TENM1: variants seen among roughly 807,000 people sequenced by gnomAD.
The protein encoded by TENM1 is teneurin-1.
TENM1 carries 35 observed loss-of-function variants against 174.8 expected under a neutral mutation model. That is an observed-to-expected ratio of 0.20 (90% CI 0.15 to 0.27). The LOEUF is 0.27. TENM1 is among the 10% of genes least tolerant of loss of function. The pLI is 1.00. For synonymous variants in TENM1, 781 were observed against 798.7 expected, an observed-to-expected ratio of 0.98 and a Z score of 0.37; for missense variants, 1,633 against 2,130.1, an observed-to-expected ratio of 0.77 and a Z score of 4.59.
intron 20 of TENM1, among the ~76,000 whole-genome samples, chrX:124,491,509 G>A (rs1433504297): frequency 9.0e-6 from 1 of 111,576 alleles, no homozygotes; most frequent in Non-Finnish European, 1.9e-5. Context: ...GATCTTATAA[G>A]CTTTCCTTCT....
chrX:124,649,653 C>T (rs908156618), intron 8 of TENM1, among the ~76,000 whole-genome samples: 1 of 112,020 alleles, frequency 8.9e-6, no homozygotes, highest in African/African-American at 3.2e-5. Flanking sequence ...GCTGCCTATA[C>T]TACTGGAAAA....
intron 15 of TENM1, among the ~76,000 whole-genome samples, chrX:124,533,747 C>T (rs1053080562): frequency 6.2e-5 from 7 of 112,041 alleles, no homozygotes; most frequent in Admixed American, 2.8e-4. Flanking sequence ...GACTGTCATG[C>T]GGCTGGCCCT....
In TENM1 at chrX:124,644,594, T is replaced by C. The variant is rs541533087; in HGVS notation, c.1876+549A>G. On this transcript the variant is annotated intron_variant, in intron 10 of 31. Transcript: ENST00000422452. ...AAAGACTCCTTTGGGGTGAATTTAA[T>C]ATAAAGGCATGGCTTTGAAACTCAT... 3.0e-4 allele frequency among the ~76,000 whole-genome samples: 33 copies of C among 110,776 alleles called. No homozygotes were observed. The South Asian group carries it at 0.012, about 41-fold the overall frequency.
intron 1 of TENM1, among the ~76,000 whole-genome samples, chrX:124,952,017 C>A (rs746761355): frequency 1.3e-4 from 14 of 110,429 alleles, no homozygotes; most frequent in African/African-American, 4.3e-4. Context: ...GGTTAGAATG[C>A]TTCAGAAATC....
At chrX:124,650,016 A>G (rs2051255875) in intron 8 of TENM1, among the ~76,000 whole-genome samples, 1 of 109,268 alleles carries the variant, frequency 9.2e-6, no homozygotes, top group Non-Finnish European at 1.9e-5. Context: ...AGCCTGGCCA[A>G]CATGGTGAAA....
chrX:124,551,783 A>G (rs2048579690), intron 14 of TENM1, among the ~76,000 whole-genome samples: 1 of 112,243 alleles, frequency 8.9e-6, no homozygotes, highest in Non-Finnish European at 1.9e-5. Flanking sequence ...CCAGCACTTG[A>G]TAAATGTTAG....
At chrX:124,743,225 AG>A (rs1425628710) in intron 3 of TENM1, among the ~76,000 whole-genome samples, 1 of 111,791 alleles carries the variant, frequency 8.9e-6, no homozygotes, top group Non-Finnish European at 1.9e-5. Flanking sequence ...TAAAAAGGTA[AG>A]AAAACTGGTT....
chrX:125,055,069 GA>G, the TENM1 span, among the ~76,000 whole-genome samples: 4 of 111,191 alleles, frequency 3.6e-5, no homozygotes, highest in East Asian at 2.8e-4. Context: ...TTTCCAAAAA[GA>G]AAAAAACTCA....
intron 18 of TENM1, among the ~76,000 whole-genome samples, chrX:124,518,747 C>T (rs139559375): frequency 0.1 from 11,188 of 111,023 alleles, 445 homozygotes; most frequent in Middle Eastern, 0.13. Flanking sequence ...ATTTATCCAG[C>T]GTCACACAGC....
At chrX:124,405,050 G>A in exon 27 of TENM1, 1 of 1,210,841 alleles carries the variant, frequency 8.3e-7, no homozygotes, top group Non-Finnish European at 1.1e-6. Context: ...CCTTTCAAAA[G>A]CCGAAACATT....
At chrX:124,447,329 C>G (rs2060975347) in intron 23 of TENM1, among the ~76,000 whole-genome samples, 3 of 111,537 alleles carry the variant, frequency 2.7e-5, no homozygotes, top group East Asian at 5.6e-4. Context: ...TCCTGGTAAA[C>G]TCTCTATCAA....
the TENM1 span, among the ~76,000 whole-genome samples, chrX:125,102,885 C>T: frequency 7.2e-5 from 8 of 111,506 alleles, no homozygotes; most frequent in Admixed American, 7.6e-4. Context: ...ATCTCAGTAC[C>T]CAGTCACCAA....
intron 3 of TENM1, among the ~76,000 whole-genome samples, chrX:124,883,757 G>A (rs1016604122): frequency 2.7e-5 from 3 of 111,779 alleles, no homozygotes; most frequent in Non-Finnish European, 5.6e-5. Flanking sequence ...GCATGCTGAC[G>A]GGTACAAGCT....
chrX:124,923,936 C>A (rs933392497), intron 1 of TENM1, among the ~76,000 whole-genome samples: 2 of 112,056 alleles, frequency 1.8e-5, no homozygotes, highest in African/African-American at 6.5e-5. Context: ...TTCTGACTAT[C>A]CAGAACTGTA....
At chrX:124,754,792 G>A (rs1163132439) in intron 3 of TENM1, among the ~76,000 whole-genome samples, 1 of 105,543 alleles carries the variant, frequency 9.5e-6, no homozygotes, top group African/African-American at 3.7e-5. Flanking sequence ...ATGTAGTTGA[G>A]CGGTTTTGAG....
exon 25 of TENM1, chrX:124,420,574 A>G (rs759849214): frequency 3.2e-5 from 39 of 1,211,135 alleles, no homozygotes; most frequent in Non-Finnish European, 4.4e-5. Context: ...AGGTGAAGTT[A>G]TAAACATAGT....
At chrX:124,622,937 A>G (rs2050551497) in intron 11 of TENM1, among the ~76,000 whole-genome samples, 1 of 112,135 alleles carries the variant, frequency 8.9e-6, no homozygotes, top group Non-Finnish European at 1.9e-5. Flanking sequence ...GGGCATGAAC[A>G]CAATTTAGGG....
intron 4 of TENM1, among the ~76,000 whole-genome samples, chrX:124,728,476 GAT>G (rs746955579): frequency 3.6e-5 from 4 of 111,582 alleles, no homozygotes; most frequent in African/African-American, 9.8e-5. Context: ...TTTTGATTGT[GAT>G]ATGTTATTCC....
chrX:125,001,383 T>C, the TENM1 span, among the ~76,000 whole-genome samples: 2 of 111,677 alleles, frequency 1.8e-5, no homozygotes, highest in African/African-American at 6.5e-5. Flanking sequence ...TTTCCAGATT[T>C]CAGTTTCCTC....
Sources: allele counts gnomAD v4.1 joint callset (sites outside exome capture counted in the v4.1 genomes callset), GRCh38; gene constraint gnomAD v4.1.1; transcripts MANE v1.5; gene names NCBI Gene and HGNC (gene_info 2026-07-23, HGNC 2026-07-21).